MYO6: variants seen among roughly 807,000 people sequenced by gnomAD.
The protein encoded by MYO6 is unconventional myosin-VI.
MYO6 carries 74 observed loss-of-function variants against 178.7 expected under a neutral mutation model. That is an observed-to-expected ratio of 0.41 (90% CI 0.34 to 0.50). The LOEUF is 0.50. MYO6 is among the 20% of genes least tolerant of loss of function. The pLI is 0.09. For missense variants in MYO6, 1,330 were observed against 1,547.4 expected (o/e 0.86, Z 2.36); for synonymous variants, 477 against 504.6 (o/e 0.95, Z 0.73).
chr6:75,830,234 T>C (rs1772942324), intron 4 of MYO6, among the ~76,000 whole-genome samples, 182 bp from the exon 5 acceptor site: 2 of 152,092 alleles, frequency 1.3e-5, no homozygotes, highest in Admixed American at 1.3e-4. Context: ...TTATTAAGAA[T>C]TGGAGAAATA....
chr6:75,787,764 AT>A (rs1248489922), intron 1 of MYO6, among the ~76,000 whole-genome samples: 2,708 of 73,156 alleles, frequency 0.037, 137 homozygotes, highest in African/African-American at 0.1. Flanking sequence ...ATATATATGT[AT>A]TTTTTTTTTT....
chr6:75,780,295 A>G (rs1583049666), intron 1 of MYO6, among the ~76,000 whole-genome samples: 2 of 152,264 alleles, frequency 1.3e-5, no homozygotes, highest in African/African-American at 4.8e-5. Flanking sequence ...TACAAAAATT[A>G]GCTGGGTGTG....
At chr6:75,762,173 G>A (rs1310897595) in intron 1 of MYO6, among the ~76,000 whole-genome samples, 5 of 152,160 alleles carry the variant, frequency 3.3e-5, no homozygotes, top group African/African-American at 9.7e-5. Context: ...CTGACCTCAT[G>A]ATCCGCCTGC....
chr6:75,766,309 C>A (rs1403449720), intron 1 of MYO6, among the ~76,000 whole-genome samples: 1 of 151,734 alleles, frequency 6.6e-6, no homozygotes, highest in Non-Finnish European at 1.5e-5. Flanking sequence ...GGTAAAAGAA[C>A]TAGACTCTGT....
intron 11 of MYO6, among the ~76,000 whole-genome samples, chr6:75,853,097 A>G (rs1775424072): frequency 6.6e-6 from 1 of 152,272 alleles, no homozygotes; most frequent in Non-Finnish European, 1.5e-5. Context: ...CAAGATGCTG[A>G]GCATCTTTCT....
At chr6:75,753,455 G>GTGTGTATATATA (rs370647728) in intron 1 of MYO6, among the ~76,000 whole-genome samples, 17 of 140,040 alleles carry the variant, frequency 1.2e-4, no homozygotes, top group African/African-American at 4.0e-4. Flanking sequence ...GTGTGTGTGT[G>GTGTGTATATATA]TATATATATA....
At chr6:75,892,428 G>C in intron 27 of MYO6, 102 bp from the exon 28 acceptor site, 1 of 1,465,788 alleles carries the variant, frequency 6.8e-7, no homozygotes, top group Admixed American at 1.7e-5. Context: ...TAAAGAACTT[G>C]TATGGGGGCA....
intron 16 of MYO6, among the ~76,000 whole-genome samples, chr6:75,863,313 A>G (rs1776358178): frequency 6.6e-6 from 1 of 152,152 alleles, no homozygotes; most frequent in Non-Finnish European, 1.5e-5. Flanking sequence ...ATGATCAGCC[A>G]ATTCATTTTG....
chr6:75,902,931 G>T (rs1363696386), intron 30 of MYO6, among the ~76,000 whole-genome samples: 2 of 151,762 alleles, frequency 1.3e-5, no homozygotes, highest in African/African-American at 4.8e-5. Flanking sequence ...TTGTGTCTTT[G>T]TTCTCGTTGG....
At chr6:75,849,733 G>C (rs1299465617) in intron 11 of MYO6, among the ~76,000 whole-genome samples, 1 of 152,176 alleles carries the variant, frequency 6.6e-6, no homozygotes, top group Non-Finnish European at 1.5e-5. Flanking sequence ...CGGGAAATAC[G>C]TGCAGGGGGA....
At chr6:75,814,432 A>G (rs576003952) in intron 1 of MYO6, among the ~76,000 whole-genome samples, 6 of 152,102 alleles carry the variant, frequency 3.9e-5, no homozygotes, top group East Asian at 1.9e-4. Flanking sequence ...TTTTGGGTGG[A>G]TAGTTGTTCA....
Position 75,892,442 on chromosome 6 carries a change from A to G in MYO6, c.2947-88A>G, listed in dbSNP as rs1778971511. On this transcript the variant is annotated intron_variant, in intron 27 of 34. Transcript: ENST00000369977. ...GTAAAGAACTTGTATGGGGGCAGTTATGCTTTCCCTTTATTTTAAGTAATA... is the reference window on the plus strand; with the variant it reads ...GTAAAGAACTTGTATGGGGGCAGTTGTGCTTTCCCTTTATTTTAAGTAATA... 31 of 1,559,886 alleles carry G rather than the reference A, an allele frequency of 2.0e-5. 1 individual carries two copies. Among genetic ancestry groups the G allele is most frequent in the South Asian group, 1.0e-4 (9 of 89,544 alleles).
At chr6:75,761,626 C>CAG (rs1554190841) in intron 1 of MYO6, among the ~76,000 whole-genome samples, 1 of 150,990 alleles carries the variant, frequency 6.6e-6, no homozygotes, top group African/African-American at 2.4e-5. Flanking sequence ...CACACACACA[C>CAG]AGACACATTT....
At chr6:75,840,777 C>A in intron 8 of MYO6, 95 bp downstream of exon 8, 2 of 884,782 alleles carry the variant, frequency 2.3e-6, no homozygotes, top group South Asian at 1.4e-5. Flanking sequence ...ATGGTAAATA[C>A]CTTTAAGTTT....
intron 1 of MYO6, among the ~76,000 whole-genome samples, chr6:75,760,402 T>G (rs1777839629): frequency 1.3e-5 from 2 of 152,168 alleles, no homozygotes; most frequent in African/African-American, 4.8e-5. Context: ...AATTAGATTA[T>G]GACTTATATT....
chr6:75,892,695 T>C lies in MYO6; in HGVS notation c.3107+5T>C. 1 of 1,612,146 alleles carries C rather than the reference T, an allele frequency of 6.2e-7. No individual in the cohort carries two copies. Among genetic ancestry groups the C allele is most frequent in the Non-Finnish European group, 8.5e-7 (1 of 1,179,924 alleles). ...GGCCGACCTGGCGCTGCGGAGGTAC[T>C]GGGGCCCCTGGGTGGGGTATAGCGC... On this transcript the variant is annotated splice_donor_5th_base_variant and intron_variant, in intron 28 of 34. Coordinates refer to ENST00000369977, the MANE Select transcript of MYO6 (RefSeq NM_004999.4).
rs564645688 is a variant in MYO6, at chr6:75,895,527, T to A, written c.3137+267T>A. ...TTATGTATATATATGAATTTTTTTTTTTTTTTTGAGACAGAGTTTCGCTTT... is the reference window on the plus strand; with the variant it reads ...TTATGTATATATATGAATTTTTTTTATTTTTTTGAGACAGAGTTTCGCTTT... On this transcript the variant is annotated intron_variant, in intron 29 of 34. Coordinates refer to ENST00000369977, the MANE Select transcript of MYO6 (RefSeq NM_004999.4). Among the ~76,000 whole-genome samples, 4 of 151,774 alleles carry A rather than the reference T, an allele frequency of 2.6e-5. No individual in the cohort carries two copies. In the South Asian group the frequency reaches 8.3e-4, roughly 32 times the overall value.
Position 75,914,220 on chromosome 6 carries a change from A to G in MYO6, c.3597A>G (p.Gly1199=), listed in dbSNP as rs751775864. ...KKGWWYAHFD[G]PWIARQMELH... is the part of the protein sequence containing the mutation. ...GCTGGTGGTATGCCCATTTTGATGG[A>G]CCATGGATTGCCCGGCAAATGGAAC... The change falls in exon 34 of 35, where the codon GGA becomes GGG. Residue 1199 remains glycine (G), a synonymous_variant. Coordinates refer to ENST00000369977, the MANE Select transcript of MYO6 (RefSeq NM_004999.4). The G allele has an allele frequency of 1.1e-5, 18 of 1,614,078 alleles. No homozygotes were observed. The highest frequency in any genetic ancestry group is 1.5e-5 in the Non-Finnish European group (18 of 1,180,032).
intron 1 of MYO6, among the ~76,000 whole-genome samples, chr6:75,788,724 C>T (rs1767932505): frequency 6.6e-6 from 1 of 152,162 alleles, no homozygotes; most frequent in African/African-American, 2.4e-5. Flanking sequence ...AGGCATGAAC[C>T]ACTGCCTCCG....
Sources: gnomAD v4.1 joint callset for allele counts (sites outside exome capture counted in the v4.1 genomes callset) on GRCh38, gnomAD v4.1.1 for gene constraint, MANE v1.5 for transcripts, NCBI Gene and HGNC (gene_info 2026-07-23, HGNC 2026-07-21) for gene names.